Variants in NR3C2 observed in about 807,000 individuals in gnomAD.
The protein encoded by NR3C2 is mineralocorticoid receptor.
NR3C2 carries 15 observed loss-of-function variants against 86.4 expected under a neutral mutation model. That is an observed-to-expected ratio of 0.17 (90% CI 0.12 to 0.27). The LOEUF (loss-of-function observed/expected upper bound fraction) is 0.27. Among genes scored for constraint, NR3C2 ranks in the 10% least tolerant of loss-of-function variants. The pLI is 1.00. For missense variants in NR3C2, 960 were observed against 1,195.6 expected, an observed-to-expected ratio of 0.80 and a Z score of 2.91; for synonymous variants, 458 against 450.5, an observed-to-expected ratio of 1.02 and a Z score of -0.21.
intron 2 of NR3C2, among the ~76,000 whole-genome samples, chr4:148,410,203 A>G (rs545353126): frequency 6.6e-6 from 1 of 152,196 alleles, no homozygotes; most frequent in African/African-American, 2.4e-5. Context: ...TTGTTATGAA[A>G]TGTAAGTTGT....
intron 2 of NR3C2, among the ~76,000 whole-genome samples, chr4:148,334,481 G>T (rs1306256238): frequency 6.6e-6 from 1 of 152,158 alleles, no homozygotes; most frequent in South Asian, 2.1e-4. Flanking sequence ...AGTGGAGGTT[G>T]CAGTGAGCGG....
intron 4 of NR3C2, among the ~76,000 whole-genome samples, chr4:148,185,187 A>G (rs1456983934): frequency 3.3e-5 from 5 of 152,252 alleles, no homozygotes; most frequent in Non-Finnish European, 4.4e-5. Context: ...ATGCAATGTG[A>G]GGAAAAAGAA....
intron 3 of NR3C2, among the ~76,000 whole-genome samples, chr4:148,224,387 C>G (rs1738034811): frequency 6.6e-6 from 1 of 152,166 alleles, no homozygotes; most frequent in African/African-American, 2.4e-5. Flanking sequence ...TTGTCTATTT[C>G]ATTTCCTCAG....
intron 2 of NR3C2, among the ~76,000 whole-genome samples, chr4:148,421,576 C>T (rs76611927): frequency 0.018 from 2,805 of 152,220 alleles, 96 homozygotes; most frequent in African/African-American, 0.065. Context: ...AATAACTCAG[C>T]TTGGTTAATA....
intron 2 of NR3C2, among the ~76,000 whole-genome samples, chr4:148,369,360 A>G (rs962172648): frequency 3.3e-5 from 5 of 152,200 alleles, no homozygotes; most frequent in Admixed American, 1.3e-4. Flanking sequence ...TCATATTAGC[A>G]TACATAAGCC....
intron 2 of NR3C2, among the ~76,000 whole-genome samples, chr4:148,386,010 G>A (rs994498685): frequency 6.6e-6 from 1 of 152,164 alleles, no homozygotes; most frequent in Non-Finnish European, 1.5e-5. Context: ...CTCTGCTGGA[G>A]GCACAGACAG....
intron 2 of NR3C2, among the ~76,000 whole-genome samples, chr4:148,324,371 GTGTGTGTT>G (rs1743841707): frequency 6.9e-6 from 1 of 145,274 alleles, no homozygotes; most frequent in African/African-American, 2.6e-5. Flanking sequence ...GTGTGTTTGT[GTGTGTGTT>G]CCTGTGTGTA....
At chr4:148,197,457 T>C (rs1429345486) in intron 3 of NR3C2, among the ~76,000 whole-genome samples, 1 of 152,192 alleles carries the variant, frequency 6.6e-6, no homozygotes, top group Admixed American at 6.5e-5. Flanking sequence ...TGCATAAGGG[T>C]TGGTCTGCTG....
chr4:148,224,102 A>G (rs1260028622), intron 3 of NR3C2, among the ~76,000 whole-genome samples: 1 of 151,550 alleles, frequency 6.6e-6, no homozygotes, highest in Non-Finnish European at 1.5e-5. Flanking sequence ...TTAGGTGGGA[A>G]GAATAGGGAT....
At chr4:148,290,788 A>C (rs1741760415) in intron 2 of NR3C2, among the ~76,000 whole-genome samples, 1 of 152,200 alleles carries the variant, frequency 6.6e-6, no homozygotes, top group Admixed American at 6.6e-5. Context: ...GTTCTAGTCT[A>C]TCATCACTTC....
intron 6 of NR3C2, among the ~76,000 whole-genome samples, chr4:148,144,207 T>TC (rs1733756726): frequency 1.3e-5 from 2 of 152,080 alleles, no homozygotes; most frequent in Non-Finnish European, 2.9e-5. Context: ...AAATGACTTT[T>TC]TTTTTCTTTC....
At chr4:148,197,889 A>G (rs967144830) in intron 3 of NR3C2, among the ~76,000 whole-genome samples, 1 of 152,182 alleles carries the variant, frequency 6.6e-6, no homozygotes, top group African/African-American at 2.4e-5. Flanking sequence ...ACAACACACA[A>G]CCAAAATCTG....
At chr4:148,306,800 A>C (rs1742649198) in intron 2 of NR3C2, among the ~76,000 whole-genome samples, 1 of 152,248 alleles carries the variant, frequency 6.6e-6, no homozygotes, top group Non-Finnish European at 1.5e-5. Context: ...ATATGCTGTA[A>C]AACATTAAAA....
rs183876500 is a variant in NR3C2, at chr4:148,284,660, T to C, written c.1758-24543A>G. On this transcript the variant is annotated intron_variant, in intron 2 of 8. Transcript: ENST00000358102. ...GGGTGAGAAAGGATCTATGACTTTGTATCTTGTGAGCCAAGCTTTATGTTA... is the reference window on the plus strand; with the variant it reads ...GGGTGAGAAAGGATCTATGACTTTGCATCTTGTGAGCCAAGCTTTATGTTA... 1.1e-3 allele frequency among the ~76,000 whole-genome samples: 174 copies of C among 152,312 alleles called. 1 individual carries two copies. The highest frequency in any genetic ancestry group is 3.9e-3 in the African/African-American group (163 of 41,574).
intron 2 of NR3C2, among the ~76,000 whole-genome samples, chr4:148,400,366 C>G (rs993981071): frequency 1.3e-5 from 2 of 151,924 alleles, no homozygotes; most frequent in Non-Finnish European, 2.9e-5. Context: ...TGTTTAAAAC[C>G]TAACAAAGTC....
chr4:148,203,444 ATT>A (rs35115274), intron 3 of NR3C2, among the ~76,000 whole-genome samples: 8 of 143,604 alleles, frequency 5.6e-5, no homozygotes, highest in Admixed American at 7.0e-5. Context: ...CTGCTGCAAG[ATT>A]TTTTTTTTTT....
intron 2 of NR3C2, among the ~76,000 whole-genome samples, chr4:148,393,394 G>A (rs62333649): frequency 0.1 from 15,743 of 152,208 alleles, 976 homozygotes; most frequent in Middle Eastern, 0.3. Context: ...AACTCCAGAG[G>A]TCTTGGGTAG....
chr4:148,138,631 ACC>A (rs1733463650), intron 6 of NR3C2, among the ~76,000 whole-genome samples: 1 of 152,148 alleles, frequency 6.6e-6, no homozygotes, highest in Non-Finnish European at 1.5e-5. Context: ...CAATCTGCCC[ACC>A]TCAGCCTCCT....
chr4:148,426,029 A>G (rs1334857314), intron 2 of NR3C2, among the ~76,000 whole-genome samples: 1 of 152,110 alleles, frequency 6.6e-6, no homozygotes, highest in Admixed American at 6.5e-5. Flanking sequence ...TCACATTTTC[A>G]GTCTCAGCAC....
Sources: allele counts gnomAD v4.1 joint callset (sites outside exome capture counted in the v4.1 genomes callset), GRCh38; gene constraint gnomAD v4.1.1; transcripts MANE v1.5; gene names NCBI Gene and HGNC (gene_info 2026-07-23, HGNC 2026-07-21).